The following APC variants were observed in gnomAD, a reference collection of about 807,000 sequenced individuals.
The protein encoded by APC is adenomatous polyposis coli protein.
Under a neutral mutation model 247.0 loss-of-function variants are expected in APC, and 72 were observed. That is an observed-to-expected ratio of 0.29 (90% CI 0.24 to 0.35). The LOEUF (loss-of-function observed/expected upper bound fraction) is 0.35, where lower values mean the gene tolerates loss of function less well. APC is among the 10% of genes least tolerant of loss of function. The pLI is 1.00. For missense variants in APC, 3,400 were observed against 3,360.7 expected, an observed-to-expected ratio of 1.01 and a Z score of -0.29; for synonymous variants, 1,254 against 1,162.5, an observed-to-expected ratio of 1.08 and a Z score of -1.60.
At chr5:112,736,902 C>T (rs867500396), upstream of APC, among the ~76,000 whole-genome samples, 9 of 152,262 alleles carry the variant, frequency 5.9e-5, 1 homozygote, top group Middle Eastern at 0.01. Flanking sequence ...CAGAGCAAGA[C>T]TCTATCTCAA....
intron 13 of APC, 61 bp downstream of exon 13, chr5:112,828,067 C>A (rs2149814547): frequency 7.2e-7 from 1 of 1,382,032 alleles, no homozygotes; most frequent in Non-Finnish European, 1.0e-6. Flanking sequence ...CAGGGTCTCA[C>A]TCTGTCACCC....
chr5:112,831,309 A>G (rs1177891824), intron 14 of APC, among the ~76,000 whole-genome samples: 1 of 152,064 alleles, frequency 6.6e-6, no homozygotes, highest in African/African-American at 2.4e-5. Context: ...GGGTTTCACC[A>G]TGTTGGCCAG....
At chr5:112,771,366 A>G (rs974412346) in intron 4 of APC, among the ~76,000 whole-genome samples, 4 of 151,896 alleles carry the variant, frequency 2.6e-5, no homozygotes, top group Non-Finnish European at 5.9e-5. Context: ...AATTTGTACC[A>G]TTTGCTTCCT....
chr5:112,823,822 A>G (rs1358455369), intron 11 of APC, among the ~76,000 whole-genome samples: 1 of 152,188 alleles, frequency 6.6e-6, no homozygotes, highest in Non-Finnish European at 1.5e-5. Context: ...TACCTAAATC[A>G]TAATGATCAC....
rs1759524886 is a variant in APC at position 112,791,014 on chromosome 5, C to T, written c.646-1432C>T. Among the ~76,000 whole-genome samples, 3 of 152,080 alleles carry T rather than the reference C, an allele frequency of 2.0e-5. No homozygotes were observed. In the South Asian group the frequency reaches 6.2e-4, roughly 31 times the overall value. On this transcript the variant is annotated intron_variant, in intron 6 of 15. Coordinates refer to ENST00000257430, the MANE Select transcript of APC (RefSeq NM_000038.6). Reference sequence around the variant, plus strand: ...ATTACAGAAAATGGTACAACATTGTCAGTACTTGTTTTTAAAACATATGTG... The same window carrying T: ...ATTACAGAAAATGGTACAACATTGTTAGTACTTGTTTTTAAAACATATGTG...
rs1405022793 is a variant in APC at position 112,838,149 on chromosome 5, T to G, written c.2555T>G (p.Leu852Trp). Residue 852 changes from leucine (L) to tryptophan (W), a missense_variant, in exon 16 of 16, where the codon TTG (leucine) becomes TGG (tryptophan). Leu to Trp is a moderately conservative substitution (Grantham distance 61). Around this residue, in one of 9 missense-constraint regions of APC, gnomAD observed 715 missense variants for 656.6 expected, o/e 1.09. Transcript: ENST00000257430. ...DSSRSEKDRS[L>W]ERERGIGLGN... ...TCTCGTTCTGAAAAAGATAGAAGTTTGGAGAGAGAACGCGGAATTGGTCTA... is the reference window on the plus strand; with the variant it reads ...TCTCGTTCTGAAAAAGATAGAAGTTGGGAGAGAGAACGCGGAATTGGTCTA... The G allele has an allele frequency of 3.7e-6, 6 of 1,614,032 alleles. No individual in the cohort carries two copies. The highest frequency in any genetic ancestry group is 1.3e-5 in the African/African-American group (1 of 74,886).
intron 11 of APC, among the ~76,000 whole-genome samples, chr5:112,822,534 C>G (rs958320399): frequency 3.3e-5 from 5 of 152,166 alleles, no homozygotes; most frequent in African/African-American, 1.2e-4. Context: ...TTCATTATAA[C>G]TTTGGAATGA....
intron 11 of APC, among the ~76,000 whole-genome samples, chr5:112,825,571 G>T (rs1308135347): frequency 1.3e-5 from 2 of 152,088 alleles, no homozygotes; most frequent in Non-Finnish European, 2.9e-5. Context: ...CATTCATCTG[G>T]CCAGACCTGA....
chr5:112,745,587 G>A (rs1020935685), intron 1 of APC, among the ~76,000 whole-genome samples: 11 of 149,118 alleles, frequency 7.4e-5, no homozygotes, highest in East Asian at 1.9e-4. Context: ...TTTTTGAGAC[G>A]GAGTCTCACT....
chr5:112,726,811 G>C (rs1751807094), intron 1 of APC, among the ~76,000 whole-genome samples: 6 of 152,138 alleles, frequency 3.9e-5, no homozygotes, highest in Admixed American at 3.9e-4. Context: ...TGACCTTGGA[G>C]TACTTGGGAG....
chr5:112,805,948 C>T (rs1379988434), intron 8 of APC, among the ~76,000 whole-genome samples: 1 of 152,168 alleles, frequency 6.6e-6, no homozygotes, highest in African/African-American at 2.4e-5. Flanking sequence ...TATTGTGACC[C>T]AGGTAACCTG....
intron 1 of APC, among the ~76,000 whole-genome samples, chr5:112,740,607 C>G (rs559554752): frequency 1.4e-5 from 2 of 144,848 alleles, no homozygotes; most frequent in South Asian, 4.4e-4. Context: ...TCACTTGCAG[C>G]TTCAACCTCG....
intron 15 of APC, among the ~76,000 whole-genome samples, chr5:112,835,988 T>C (rs1764846556): frequency 6.7e-6 from 1 of 150,188 alleles, no homozygotes; most frequent in East Asian, 2.0e-4. Flanking sequence ...TGCTGTATTA[T>C]ATCAACAAAA....
intron 4 of APC, among the ~76,000 whole-genome samples, chr5:112,775,047 A>G (rs951676153): frequency 2.6e-5 from 4 of 152,202 alleles, no homozygotes; most frequent in Non-Finnish European, 4.4e-5. Flanking sequence ...ATGCTCAGGT[A>G]TACAGTTTCT....
In APC at chr5:112,843,632, C is replaced by T. The variant is rs587780553; in HGVS notation, c.8038C>T (p.Pro2680Ser). Residue 2680 changes from proline (P) to serine (S), a missense_variant, in exon 16 of 16, where the codon CCC (proline) becomes TCC (serine). Transcript: ENST00000257430. The surrounding 1 kb of genome is among the most constrained non-coding windows in gnomAD (Gnocchi z 4.8). ...RSGRSPTGNT[P>S]PVIDSVSEKA... ...TGGAAGATCTCCCACAGGTAATACT[C>T]CCCCGGTGATTGACAGTGTTTCAGA... The T allele has an allele frequency of 8.1e-6, 13 of 1,613,578 alleles. No individual in the cohort carries two copies. Among genetic ancestry groups the T allele is most frequent in the Non-Finnish European group, 1.1e-5 (13 of 1,179,718 alleles).
intron 1 of APC, among the ~76,000 whole-genome samples, chr5:112,714,349 G>A (rs538090092): frequency 6.6e-5 from 10 of 152,236 alleles, no homozygotes; most frequent in South Asian, 2.1e-4. Context: ...TGTATACACT[G>A]AAGTTAGCAA....
At chr5:112,827,335 T>C in intron 12 of APC, 88 bp downstream of exon 12, 1 of 1,423,542 alleles carries the variant, frequency 7.0e-7, no homozygotes, top group South Asian at 1.2e-5. Flanking sequence ...ATTTTCTTTT[T>C]TTTCACTCTC....
chr5:112,815,408 A>G, intron 8 of APC, 87 bp from the exon 9 acceptor site: 2 of 923,780 alleles, frequency 2.2e-6, no homozygotes, highest in Non-Finnish European at 1.8e-6. Context: ...TATCATACAG[A>G]CACTTCATTT....
chr5:112,744,279 G>A (rs1314856478), intron 1 of APC, among the ~76,000 whole-genome samples: 1 of 152,162 alleles, frequency 6.6e-6, no homozygotes, highest in Non-Finnish European at 1.5e-5. Context: ...TTATGGAAAA[G>A]TCATCTTGGA....
Sources: allele counts gnomAD v4.1 joint callset (sites outside exome capture counted in the v4.1 genomes callset), GRCh38; gene constraint gnomAD v4.1.1; regional missense constraint gnomAD v4.1.1; non-coding constraint Gnocchi (gnomAD v3.1); transcripts MANE v1.5; gene names NCBI Gene and HGNC (gene_info 2026-07-23, HGNC 2026-07-21).